GRXCR2: variants seen among roughly 807,000 people sequenced by gnomAD.
The protein encoded by GRXCR2 is glutaredoxin domain-containing cysteine-rich protein 2.
In GRXCR2, 23 loss-of-function variants were observed where a neutral mutation model predicts 24.8. The observed-to-expected ratio is 0.93, with a 90% CI of 0.67 to 1.32. The LOEUF (loss-of-function observed/expected upper bound fraction) is 1.32, where lower values mean the gene tolerates loss of function less well. Among genes scored for constraint, GRXCR2 ranks in the 40% most tolerant of loss-of-function variants. The probability of loss-of-function intolerance (pLI) is 0.00; values close to 1 mark genes in which losing one functional copy is unlikely to be tolerated. For missense variants in GRXCR2, 315 were observed against 303.4 expected, an observed-to-expected ratio of 1.04 and a Z score of -0.28; for synonymous variants, 130 against 116.1, an observed-to-expected ratio of 1.12 and a Z score of -0.77.
intron 2 of GRXCR2, among the ~76,000 whole-genome samples, chr5:145,895,177 C>T (rs1756930876): frequency 6.6e-6 from 1 of 152,068 alleles, no homozygotes; most frequent in Non-Finnish European, 1.5e-5. Context: ...CAGCCAATAT[C>T]ATACTGAATG....
intron 1 of GRXCR2, among the ~76,000 whole-genome samples, chr5:145,868,547 G>T (rs1352440141): frequency 6.6e-6 from 1 of 152,058 alleles, no homozygotes; most frequent in Non-Finnish European, 1.5e-5. Context: ...TCACACTCTG[G>T]ACTATCAGTT....
At chr5:145,921,825 C>CT (rs1489558503) in intron 2 of GRXCR2, among the ~76,000 whole-genome samples, 2 of 152,250 alleles carry the variant, frequency 1.3e-5, no homozygotes, top group Admixed American at 1.3e-4. Flanking sequence ...AAGTACAAAA[C>CT]TTAAATCCAT....
intron 2 of GRXCR2, among the ~76,000 whole-genome samples, chr5:145,923,377 A>G (rs547317263): frequency 2.0e-5 from 3 of 152,326 alleles, no homozygotes; most frequent in African/African-American, 7.2e-5. Context: ...GACTGTATGC[A>G]ATATATTTCT....
upstream of GRXCR2, among the ~76,000 whole-genome samples, chr5:145,873,263 G>C (rs1187364385): frequency 6.6e-6 from 1 of 152,180 alleles, no homozygotes; most frequent in South Asian, 2.1e-4. Context: ...TTAACCTGAG[G>C]ATGAAGAAGT....
At chr5:145,902,761 A>C (rs376782245) in intron 2 of GRXCR2, among the ~76,000 whole-genome samples, 1 of 152,230 alleles carries the variant, frequency 6.6e-6, no homozygotes, top group African/African-American at 2.4e-5. Flanking sequence ...TGAGCATTTA[A>C]GTGTCAGGCA....
At chr5:145,899,217 C>T (rs1003123502) in intron 2 of GRXCR2, among the ~76,000 whole-genome samples, 4 of 151,930 alleles carry the variant, frequency 2.6e-5, no homozygotes, top group Admixed American at 6.6e-5. Flanking sequence ...TAAAAGACCT[C>T]TACAAAAAGA....
chr5:145,886,572 A>T (rs2149917143), intron 2 of GRXCR2, among the ~76,000 whole-genome samples: 1 of 152,294 alleles, frequency 6.6e-6, no homozygotes, highest in East Asian at 1.9e-4. Context: ...AACAAGGGAC[A>T]AATTTTTCTA....
rs1359256347 is a variant in GRXCR2 at position 145,871,266 on chromosome 5, A to G, written c.336+1367T>C. ...TAAGTACAAGACTAGCCAAGTGCCT[A>G]GGACCTAATAAGCACTCAACAAATG... On this transcript the variant is annotated intron_variant, in intron 1 of 2. Coordinates refer to ENST00000377976, the MANE Select transcript of GRXCR2 (RefSeq NM_001080516.2). Among the ~76,000 whole-genome samples the G allele has an allele frequency of 2.0e-5, 3 of 152,326 alleles. No individual in the cohort carries two copies. In the East Asian group the frequency reaches 5.8e-4, roughly 29 times the overall value.
At chr5:145,875,323 G>A (rs1489398086), upstream of GRXCR2, among the ~76,000 whole-genome samples, 2 of 152,224 alleles carry the variant, frequency 1.3e-5, no homozygotes, top group African/African-American at 4.8e-5. Context: ...GGCCGAGGCA[G>A]GTGGATCACG....
At chr5:145,900,019 T>G (rs1281575253) in intron 2 of GRXCR2, among the ~76,000 whole-genome samples, 1 of 152,068 alleles carries the variant, frequency 6.6e-6, no homozygotes, top group Non-Finnish European at 1.5e-5. Flanking sequence ...CCGACAAAGT[T>G]TTAACAACCA....
At chr5:145,927,064 T>C (rs1175732217) in intron 2 of GRXCR2, among the ~76,000 whole-genome samples, 1 of 152,218 alleles carries the variant, frequency 6.6e-6, no homozygotes. Context: ...CTTGTGATTT[T>C]TGCACATTGA....
At chr5:145,912,505 A>G (rs1289593671) in intron 2 of GRXCR2, among the ~76,000 whole-genome samples, 2 of 152,196 alleles carry the variant, frequency 1.3e-5, no homozygotes, top group African/African-American at 2.4e-5. Flanking sequence ...CTGACATCCC[A>G]GGGGCAGGGG....
intron 2 of GRXCR2, among the ~76,000 whole-genome samples, chr5:145,923,276 T>C (rs1226918438): frequency 6.6e-6 from 1 of 152,224 alleles, no homozygotes; most frequent in Admixed American, 6.5e-5. Flanking sequence ...GATATTGGCC[T>C]ATAATATGAT....
intron 2 of GRXCR2, among the ~76,000 whole-genome samples, chr5:145,915,863 A>ATGGG: frequency 6.6e-6 from 1 of 152,324 alleles, no homozygotes. Context: ...GAGTCAGCTC[A>ATGGG]TGGGTACCAA....
intron 2 of GRXCR2, among the ~76,000 whole-genome samples, chr5:145,887,680 G>A (rs1395851320): frequency 6.6e-6 from 1 of 152,142 alleles, no homozygotes; most frequent in South Asian, 2.1e-4. Context: ...TAGTGGGAGT[G>A]GGGAGCTTAG....
rs72816474 is a variant in GRXCR2, at chr5:145,926,226, C to A, written c.-70+9475G>T. On this transcript the variant is annotated intron_variant, in intron 2 of 3. Coordinates refer to the GRXCR2 transcript ENST00000639411. ...ACGTCTAATTACAGCAGTTTCAGAGCTGTGAAGTTTATTATTTTTTTAATG... is the reference window on the plus strand; with the variant it reads ...ACGTCTAATTACAGCAGTTTCAGAGATGTGAAGTTTATTATTTTTTTAATG... 4.1e-3 allele frequency among the ~76,000 whole-genome samples: 621 copies of A among 152,086 alleles called. 2 individuals carry two copies. The highest frequency in any genetic ancestry group is 6.6e-3 in the Non-Finnish European group (449 of 67,966).
chr5:145,914,953 TG>T (rs1757216981), intron 2 of GRXCR2, among the ~76,000 whole-genome samples: 1 of 152,202 alleles, frequency 6.6e-6, no homozygotes, highest in Admixed American at 6.5e-5. Context: ...AAGAGAGGCG[TG>T]GGGACTTGCA....
At chr5:145,869,800 G>T (rs1012650888) in intron 1 of GRXCR2, among the ~76,000 whole-genome samples, 2 of 152,062 alleles carry the variant, frequency 1.3e-5, no homozygotes, top group East Asian at 1.9e-4. Context: ...CTCGTGATCT[G>T]CCCTCCTCAG....
intron 2 of GRXCR2, among the ~76,000 whole-genome samples, chr5:145,930,799 GAAGAT>G (rs1397621580): frequency 4.6e-5 from 7 of 152,166 alleles, no homozygotes; most frequent in Non-Finnish European, 7.4e-5. Flanking sequence ...AAAGAAGAAA[GAAGAT>G]AAGAAGCCTA....
Sources: gnomAD v4.1 joint callset for allele counts (sites outside exome capture counted in the v4.1 genomes callset) on GRCh38, gnomAD v4.1.1 for gene constraint, MANE v1.5 for transcripts, NCBI Gene and HGNC (gene_info 2026-07-23, HGNC 2026-07-21) for gene names.